The following ERICH1 variants were observed in gnomAD, a reference collection of about 807,000 sequenced individuals.
ERICH1 encodes glutamate rich 1.
In ERICH1, 56 loss-of-function variants were observed where a neutral mutation model predicts 39.6. That is an observed-to-expected ratio of 1.41 (90% CI 1.14 to 1.77). The LOEUF (loss-of-function observed/expected upper bound fraction) is 1.77, where lower values mean the gene tolerates loss of function less well. ERICH1 is among the 40% of genes most tolerant of loss of function. The pLI is 0.00. For synonymous variants in ERICH1, 313 were observed against 223.6 expected, an observed-to-expected ratio of 1.40 and a Z score of -3.57; for missense variants, 826 against 575.4, an observed-to-expected ratio of 1.44 and a Z score of -4.45.
At chr8:698,748 G>C (rs922927918) in intron 2 of ERICH1, among the ~76,000 whole-genome samples, 1 of 152,154 alleles carries the variant, frequency 6.6e-6, no homozygotes, top group African/African-American at 2.4e-5. Context: ...AAAGTGCTAG[G>C]ATTACAGGCG....
intron 3 of ERICH1, among the ~76,000 whole-genome samples, chr8:685,910 C>T (rs1807223978): frequency 6.6e-6 from 1 of 150,482 alleles, no homozygotes; most frequent in African/African-American, 2.5e-5. Flanking sequence ...TTTGGGAGGC[C>T]AAGGCAAGCA....
intron 3 of ERICH1, among the ~76,000 whole-genome samples, chr8:632,155 G>A (rs898998480): frequency 6.6e-6 from 1 of 152,156 alleles, no homozygotes; most frequent in Non-Finnish European, 1.5e-5. Context: ...ATGAATAAGG[G>A]AGGCTGTGAC....
At chr8:663,485 C>T (rs999446654), downstream of ERICH1, among the ~76,000 whole-genome samples, 1 of 151,850 alleles carries the variant, frequency 6.6e-6, no homozygotes, top group African/African-American at 2.4e-5. Context: ...GAGAGATTGG[C>T]ACCCACACAG....
In ERICH1 at chr8:673,339, T is replaced by A; in HGVS notation, c.1013A>T (p.His338Leu). ...EDDTITNEKAHSILNFLKSTQ... is the reference protein window; with the variant it reads ...EDDTITNEKALSILNFLKSTQ... ...TGACTTCAAAAAATTTAGAATACTG[T>A]GTGCCTTTTCATTGGTAATTGTATC... is the stretch of plus-strand genomic sequence containing the variant. Residue 338 changes from histidine (H) to leucine (L), a missense_variant, in exon 4 of 6, where the codon CAC becomes CTC. By Grantham distance (99) the His-to-Leu change is moderately conservative. Coordinates refer to ENST00000262109, the MANE Select transcript of ERICH1 (RefSeq NM_207332.3). 1 of 1,614,002 alleles carries A rather than the reference T, an allele frequency of 6.2e-7. No homozygotes were observed. The highest frequency in any genetic ancestry group is 1.1e-5 in the South Asian group (1 of 91,078).
chr8:676,598 C>T (rs1804873970), intron 3 of ERICH1, among the ~76,000 whole-genome samples: 3 of 152,160 alleles, frequency 2.0e-5, no homozygotes, highest in Admixed American at 6.5e-5. Context: ...TAACTGGCGC[C>T]ATGCGGGGGG....
At chr8:620,584 T>G (rs1474803846) in intron 3 of ERICH1, among the ~76,000 whole-genome samples, 1 of 151,972 alleles carries the variant, frequency 6.6e-6, no homozygotes, top group East Asian at 1.9e-4. Flanking sequence ...AAAATACAAA[T>G]GAGTTGAAAG....
chr8:677,942 C>T lies in ERICH1; in HGVS notation c.305-3895G>A, dbSNP rs570806130. Among the ~76,000 whole-genome samples, 34 of 152,236 alleles carry T rather than the reference C, an allele frequency of 2.2e-4. 1 individual carries two copies. The highest frequency in any genetic ancestry group is 4.4e-4 in the Non-Finnish European group (30 of 68,022). ...GCCGCTCATCGCCAGTGTCGTACCC[C>T]GGGGTCAGCTTCCCCTCCTAAGACT... is the stretch of plus-strand genomic sequence containing the variant. On this transcript the variant is annotated intron_variant, in intron 3 of 5. Transcript: ENST00000262109.
chr8:663,902 G>C (rs1218587854), downstream of ERICH1, among the ~76,000 whole-genome samples: 2 of 152,142 alleles, frequency 1.3e-5, no homozygotes, highest in Non-Finnish European at 2.9e-5. Flanking sequence ...TGGGACTACA[G>C]GCGCCCGCCA....
intron 2 of ERICH1, among the ~76,000 whole-genome samples, chr8:696,189 A>C (rs569794386): frequency 2.5e-3 from 15 of 5,926 alleles, no homozygotes; most frequent in Non-Finnish European, 3.1e-3. Flanking sequence ...CTCACCCTCC[A>C]CTCCTCTCCT....
At chr8:657,720 G>T (rs1049906052) in intron 3 of ERICH1, among the ~76,000 whole-genome samples, 4 of 151,876 alleles carry the variant, frequency 2.6e-5, no homozygotes, top group Admixed American at 2.0e-4. Flanking sequence ...AGTGAGGGTG[G>T]AGATTAGAAT....
At chr8:650,021 C>T (rs1799743115) in intron 3 of ERICH1, among the ~76,000 whole-genome samples, 1 of 152,224 alleles carries the variant, frequency 6.6e-6, no homozygotes, top group African/African-American at 2.4e-5. Context: ...CCGGCGAGGG[C>T]GGCCTCCCTG....
intron 3 of ERICH1, among the ~76,000 whole-genome samples, chr8:649,754 C>T (rs1295172096): frequency 6.6e-6 from 1 of 152,146 alleles, no homozygotes; most frequent in Non-Finnish European, 1.5e-5. Context: ...TGACCATGAG[C>T]GCAGGCACCA....
intron 2 of ERICH1, among the ~76,000 whole-genome samples, chr8:700,845 G>T (rs1585466788): frequency 6.6e-6 from 1 of 152,338 alleles, no homozygotes; most frequent in South Asian, 2.1e-4. Flanking sequence ...TGGCAGATAA[G>T]AGGAAAAACT....
At chr8:665,812 T>C (rs763505686) in intron 5 of ERICH1, among the ~76,000 whole-genome samples, 4 of 152,170 alleles carry the variant, frequency 2.6e-5, no homozygotes, top group Admixed American at 6.5e-5. Flanking sequence ...AGAGGAGACG[T>C]GACCAGCAGA....
chr8:696,800 C>T (rs1372374997), intron 2 of ERICH1, among the ~76,000 whole-genome samples: 11 of 101,604 alleles, frequency 1.1e-4, no homozygotes, highest in South Asian at 4.4e-4. Flanking sequence ...CTCTCACCCT[C>T]CACTCCTCTC....
chr8:728,876 T>G (rs555316351), intron 1 of ERICH1, among the ~76,000 whole-genome samples: 48 of 152,312 alleles, frequency 3.2e-4, no homozygotes, highest in African/African-American at 1.1e-3. Context: ...ACAGGGAAAC[T>G]GTCACATTAG....
intron 2 of ERICH1, among the ~76,000 whole-genome samples, chr8:705,347 C>G (rs1304673352): frequency 2.0e-5 from 3 of 152,242 alleles, no homozygotes; most frequent in Non-Finnish European, 4.4e-5. Flanking sequence ...AGAAGTGACC[C>G]ACGGTTCTTA....
intron 1 of ERICH1, among the ~76,000 whole-genome samples, chr8:730,626 G>A (rs955901254): frequency 3.9e-5 from 6 of 152,194 alleles, no homozygotes; most frequent in Non-Finnish European, 8.8e-5. Context: ...TGCTATCACA[G>A]AATTTAATAA....
intron 3 of ERICH1, among the ~76,000 whole-genome samples, chr8:688,667 A>T (rs1320516902): frequency 6.6e-6 from 1 of 152,236 alleles, no homozygotes; most frequent in Non-Finnish European, 1.5e-5. Flanking sequence ...AGAATCTAAG[A>T]AGAATGAGTT....
Sources: gnomAD v4.1 joint callset for allele counts (sites outside exome capture counted in the v4.1 genomes callset) on GRCh38, gnomAD v4.1.1 for gene constraint, MANE v1.5 for transcripts, NCBI Gene and HGNC (gene_info 2026-07-23, HGNC 2026-07-21) for gene names.